Variants in CNTNAP5 observed in about 807,000 individuals in gnomAD.
The protein encoded by CNTNAP5 is contactin-associated protein-like 5.
Under a neutral mutation model 150.2 loss-of-function variants are expected in CNTNAP5, and 72 were observed. The ratio of observed to expected loss-of-function variants is 0.48; its 90% confidence interval spans 0.40 to 0.58. CNTNAP5 has a LOEUF of 0.58. Ranked by LOEUF, CNTNAP5 falls within the 20% of genes least tolerant of loss-of-function variation. The pLI is 0.00. For synonymous variants in CNTNAP5, 672 were observed against 619.8 expected (o/e 1.08, Z -1.25); for missense variants, 1,636 against 1,626.2 (o/e 1.01, Z -0.10).
Position 124,524,366 on chromosome 2 carries a change from C to T in CNTNAP5, c.1391C>T (p.Thr464Met), listed in dbSNP as rs199827932. 1.9e-5 allele frequency: 31 copies of T among 1,613,846 alleles called. No individual in the cohort carries two copies. The highest frequency in any genetic ancestry group is 3.3e-5 in the Admixed American group (2 of 60,004). The change falls in exon 9 of 24, where the codon ACG becomes ATG. Residue 464 changes from threonine to methionine, a missense_variant. Physicochemically the swap from Thr to Met is moderately conservative, Grantham distance 81. Coordinates refer to ENST00000682447, the MANE Select transcript of CNTNAP5 (RefSeq NM_001367498.1). ...ATCAACGCCAGGAGGAACCGCATCA[C>T]GCTCACTCTGGATGATGAAGCAGCA... ...VSINARRNRI[T>M]LTLDDEAAPP...
At chr2:124,236,089 C>T (rs1274431114) in intron 2 of CNTNAP5, among the ~76,000 whole-genome samples, 1 of 152,082 alleles carries the variant, frequency 6.6e-6, no homozygotes, top group African/African-American at 2.4e-5. Context: ...CCTCAGCCTC[C>T]CGAGTAGCTG....
intron 4 of CNTNAP5, among the ~76,000 whole-genome samples, chr2:124,430,924 T>C (rs1437546077): frequency 6.6e-6 from 1 of 152,214 alleles, no homozygotes; most frequent in East Asian, 1.9e-4. Context: ...TAAAATGTTG[T>C]TGAATGCCTT....
At chr2:124,117,763 T>C (rs1302959866) in intron 1 of CNTNAP5, among the ~76,000 whole-genome samples, 1 of 152,178 alleles carries the variant, frequency 6.6e-6, no homozygotes, top group East Asian at 1.9e-4. Context: ...CAATTTAAAT[T>C]ACCAATTCTG....
At chr2:124,722,691 G>T (rs745459143) in intron 13 of CNTNAP5, among the ~76,000 whole-genome samples, 10 of 152,128 alleles carry the variant, frequency 6.6e-5, no homozygotes, top group Non-Finnish European at 1.0e-4. Context: ...TGAGATTAAG[G>T]GGGTAGCCTC....
chr2:124,624,294 C>T (rs990759907), intron 12 of CNTNAP5, among the ~76,000 whole-genome samples: 3 of 152,188 alleles, frequency 2.0e-5, no homozygotes, highest in African/African-American at 7.2e-5. Context: ...CCCGTTTTAG[C>T]ACGGCCAGTT....
intron 19 of CNTNAP5, among the ~76,000 whole-genome samples, chr2:124,861,540 A>G (rs1363021476): frequency 6.6e-6 from 1 of 152,080 alleles, no homozygotes; most frequent in Non-Finnish European, 1.5e-5. Flanking sequence ...GTGAGCCGAG[A>G]TCACGCCACT....
intron 1 of CNTNAP5, among the ~76,000 whole-genome samples, chr2:124,059,773 T>TGGC (rs1396541175): frequency 2.4e-4 from 36 of 152,218 alleles, no homozygotes; most frequent in African/African-American, 7.5e-4. Context: ...AATATCTGTG[T>TGGC]GGCTCTGGTC....
At chr2:124,764,900 G>A (rs535391526) in intron 16 of CNTNAP5, among the ~76,000 whole-genome samples, 84 of 152,028 alleles carry the variant, frequency 5.5e-4, no homozygotes, top group African/African-American at 1.7e-3. Flanking sequence ...GCTCTGTTGC[G>A]ATCATAGTAA....
chr2:124,173,802 T>G (rs1052947795), intron 1 of CNTNAP5, among the ~76,000 whole-genome samples: 1 of 152,226 alleles, frequency 6.6e-6, no homozygotes, highest in Non-Finnish European at 1.5e-5. Context: ...AGATTTTCAA[T>G]GTAGACAAAA....
At chr2:124,083,211 G>A (rs909555971) in intron 1 of CNTNAP5, among the ~76,000 whole-genome samples, 1 of 152,130 alleles carries the variant, frequency 6.6e-6, no homozygotes, top group Non-Finnish European at 1.5e-5. Flanking sequence ...GACTGGGTGT[G>A]GTGATGCGTG....
At chr2:124,414,519 A>G (rs898458182) in intron 3 of CNTNAP5, among the ~76,000 whole-genome samples, 9 of 152,142 alleles carry the variant, frequency 5.9e-5, no homozygotes, top group African/African-American at 1.9e-4. Context: ...CTGGGATAGT[A>G]GGACTTTGAG....
intron 4 of CNTNAP5, among the ~76,000 whole-genome samples, chr2:124,423,517 T>C (rs1692163231): frequency 6.6e-6 from 1 of 152,056 alleles, no homozygotes; most frequent in African/African-American, 2.4e-5. Flanking sequence ...ACTTTATTTA[T>C]TTATTTATTT....
chr2:124,447,460 A>C (rs1282205456), intron 6 of CNTNAP5, among the ~76,000 whole-genome samples: 1 of 152,162 alleles, frequency 6.6e-6, no homozygotes, highest in Admixed American at 6.5e-5. Context: ...AATGCAAAGA[A>C]GGCTGCACAA....
chr2:124,639,234 G>T (rs148243120), intron 12 of CNTNAP5, among the ~76,000 whole-genome samples: 1 of 152,158 alleles, frequency 6.6e-6, no homozygotes, highest in Non-Finnish European at 1.5e-5. Flanking sequence ...ATGTAAATGC[G>T]ACGAGCACGG....
intron 3 of CNTNAP5, among the ~76,000 whole-genome samples, chr2:124,342,439 T>G (rs1689641224): frequency 6.6e-6 from 1 of 152,184 alleles, no homozygotes; most frequent in African/African-American, 2.4e-5. Flanking sequence ...CCGTGAACCG[T>G]GTATTCATAG....
chr2:124,201,392 C>T (rs7594531), intron 1 of CNTNAP5, among the ~76,000 whole-genome samples: 117,304 of 152,252 alleles, frequency 0.77, 45,518 homozygotes, highest in East Asian at 1. Context: ...GCAGCAGTTA[C>T]AGAATCTTTA....
chr2:124,326,291 A>T (rs1179660422), intron 3 of CNTNAP5, among the ~76,000 whole-genome samples: 1 of 152,160 alleles, frequency 6.6e-6, no homozygotes, highest in Non-Finnish European at 1.5e-5. Context: ...TGCTGTAATT[A>T]TGAGGATTTC....
chr2:124,720,795 A>G (rs777661771), intron 13 of CNTNAP5, among the ~76,000 whole-genome samples: 1 of 152,226 alleles, frequency 6.6e-6, no homozygotes, highest in African/African-American at 2.4e-5. Context: ...TTATTAGTGT[A>G]CCTATAACCC....
At chr2:124,615,162 G>T (rs949075565) in intron 12 of CNTNAP5, among the ~76,000 whole-genome samples, 2 of 152,098 alleles carry the variant, frequency 1.3e-5, no homozygotes, top group Non-Finnish European at 2.9e-5. Flanking sequence ...AGGTTGGGGT[G>T]GCTGCGGCAA....
Sources: gnomAD v4.1 joint callset for allele counts (sites outside exome capture counted in the v4.1 genomes callset) on GRCh38, gnomAD v4.1.1 for gene constraint, MANE v1.5 for transcripts, NCBI Gene and HGNC (gene_info 2026-07-23, HGNC 2026-07-21) for gene names.